Variants in DCC observed in about 807,000 individuals in gnomAD.
DCC encodes the protein DCC netrin 1 receptor.
In DCC, 58 loss-of-function variants were observed where a neutral mutation model predicts 172.5. The observed-to-expected ratio is 0.34, with a 90% CI of 0.27 to 0.42. The LOEUF (loss-of-function observed/expected upper bound fraction) is 0.42. Among genes scored for constraint, DCC ranks in the 10% least tolerant of loss-of-function variants. The probability of loss-of-function intolerance (pLI) is 1.00; values close to 1 mark genes in which losing one functional copy is unlikely to be tolerated. For missense variants in DCC, 1,740 were observed against 1,791.0 expected (o/e 0.97, Z 0.51); for synonymous variants, 709 against 644.5 (o/e 1.10, Z -1.52).
At chr18:52,368,742 G>A (rs1984985774) in intron 1 of DCC, among the ~76,000 whole-genome samples, 1 of 152,108 alleles carries the variant, frequency 6.6e-6, no homozygotes, top group South Asian at 2.1e-4. Flanking sequence ...AGTGTGAAAG[G>A]GTTGAAAAAA....
chr18:53,404,894 C>A (rs1159382323), intron 19 of DCC, among the ~76,000 whole-genome samples: 1 of 151,994 alleles, frequency 6.6e-6, no homozygotes, highest in Non-Finnish European at 1.5e-5. Context: ...AAAATCCATT[C>A]TCTCACAGTG....
At chr18:52,716,513 T>C (rs938431509) in intron 1 of DCC, among the ~76,000 whole-genome samples, 4 of 152,170 alleles carry the variant, frequency 2.6e-5, no homozygotes, top group Non-Finnish European at 4.4e-5. Context: ...GTGATTGAGG[T>C]TCTGACTCTT....
At chr18:52,988,109 T>A (rs1463669658) in intron 5 of DCC, among the ~76,000 whole-genome samples, 1 of 152,230 alleles carries the variant, frequency 6.6e-6, no homozygotes, top group Non-Finnish European at 1.5e-5. Flanking sequence ...AAATAAATAA[T>A]CTGAAATGTC....
intron 1 of DCC, among the ~76,000 whole-genome samples, chr18:52,448,083 G>T (rs114572142): frequency 6.6e-6 from 1 of 152,114 alleles, no homozygotes; most frequent in South Asian, 2.1e-4. Context: ...TAGGAACCGG[G>T]CCGCACAGCA....
chr18:53,453,822 GC>G (rs2045448209), intron 23 of DCC, among the ~76,000 whole-genome samples: 1 of 151,872 alleles, frequency 6.6e-6, no homozygotes, highest in Admixed American at 6.6e-5. Flanking sequence ...ATTCTCTTTA[GC>G]TTTTTTTGTT....
At chr18:53,339,688 G>T in intron 14 of DCC, 25 bp from the exon 15 acceptor site, 1 of 1,590,786 alleles carries the variant, frequency 6.3e-7, no homozygotes, top group Non-Finnish European at 8.6e-7. Flanking sequence ...GAGACATGCT[G>T]ATGATGCCTC....
chr18:53,095,593 T>C lies in DCC; in HGVS notation c.1261+29427T>C, dbSNP rs148983735. Among the ~76,000 whole-genome samples, 8 of 152,272 alleles carry C rather than the reference T, an allele frequency of 5.3e-5. No individual in the cohort carries two copies. In the East Asian group the frequency reaches 9.7e-4, roughly 18 times the overall value. On this transcript the variant is annotated intron_variant, in intron 7 of 28. Transcript: ENST00000442544. ...CTTGGCTCATGGCCCCTTCCTTATA[T>C]TCCTTCAAACTCCTGCTCCTCCTCC...
intron 1 of DCC, among the ~76,000 whole-genome samples, chr18:52,482,402 G>A (rs976800516): frequency 3.9e-5 from 6 of 152,116 alleles, no homozygotes; most frequent in Admixed American, 1.3e-4. Flanking sequence ...TCTTAGCTCA[G>A]GCTACTATAA....
chr18:52,762,714 C>A (rs188421724), intron 2 of DCC, among the ~76,000 whole-genome samples: 1 of 151,900 alleles, frequency 6.6e-6, no homozygotes. Flanking sequence ...GTCCTAGCTA[C>A]TTAGGAGGCT....
chr18:53,469,984 G>A (rs997481702), intron 25 of DCC, among the ~76,000 whole-genome samples: 2 of 152,022 alleles, frequency 1.3e-5, no homozygotes, highest in Non-Finnish European at 2.9e-5. Context: ...TCTTTGGCTT[G>A]CAATGTACTA....
chr18:52,459,759 G>A (rs779785960), intron 1 of DCC, among the ~76,000 whole-genome samples: 2 of 151,856 alleles, frequency 1.3e-5, no homozygotes, highest in Non-Finnish European at 2.9e-5. Context: ...GTGAGCAACC[G>A]CGCCCAGGCC....
intron 1 of DCC, among the ~76,000 whole-genome samples, chr18:52,471,018 G>T (rs986348143): frequency 1.3e-5 from 2 of 152,276 alleles, no homozygotes; most frequent in African/African-American, 4.8e-5. Context: ...TAGATTATGT[G>T]AGTTCTAGTC....
intron 2 of DCC, among the ~76,000 whole-genome samples, chr18:52,883,778 G>A (rs1325548558): frequency 6.6e-6 from 1 of 151,818 alleles, no homozygotes; most frequent in Non-Finnish European, 1.5e-5. Context: ...GTGTTTTTCT[G>A]TGTGCTATTA....
chr18:53,175,455 A>G (rs576091252), intron 8 of DCC, among the ~76,000 whole-genome samples: 91 of 152,148 alleles, frequency 6.0e-4, no homozygotes, highest in African/African-American at 2.0e-3. Context: ...AATCTCCTTA[A>G]GCTGATAAGC....
intron 2 of DCC, among the ~76,000 whole-genome samples, chr18:52,895,783 T>C (rs1038995464): frequency 6.6e-6 from 1 of 152,132 alleles, no homozygotes; most frequent in African/African-American, 2.4e-5. Context: ...TTGAGTTAAA[T>C]TGGTTTTTTT....
At chr18:53,110,498 C>A (rs1292881617) in intron 7 of DCC, among the ~76,000 whole-genome samples, 1 of 151,636 alleles carries the variant, frequency 6.6e-6, no homozygotes, top group African/African-American at 2.4e-5. Flanking sequence ...AGAGTAAGAT[C>A]TAAATCCAGC....
chr18:52,622,294 A>C (rs1055895497), intron 1 of DCC, among the ~76,000 whole-genome samples: 1 of 152,348 alleles, frequency 6.6e-6, no homozygotes, highest in African/African-American at 2.4e-5. Context: ...GCTAAGAGGC[A>C]TAGAAGTTTC....
intron 2 of DCC, among the ~76,000 whole-genome samples, chr18:52,796,635 A>T (rs2037882740): frequency 6.6e-6 from 1 of 152,096 alleles, no homozygotes; most frequent in Non-Finnish European, 1.5e-5. Flanking sequence ...CATTTTGAAT[A>T]TGTCATTCCA....
intron 27 of DCC, among the ~76,000 whole-genome samples, chr18:53,517,447 A>G (rs1217229671): frequency 7.4e-6 from 1 of 134,870 alleles, no homozygotes; most frequent in African/African-American, 3.1e-5. Context: ...TTAAAATATA[A>G]TAATAATAAT....
Sources: allele counts gnomAD v4.1 joint callset (sites outside exome capture counted in the v4.1 genomes callset), GRCh38; gene constraint gnomAD v4.1.1; transcripts MANE v1.5; gene names NCBI Gene and HGNC (gene_info 2026-07-23, HGNC 2026-07-21).